The following SDK1 variants were observed in gnomAD, a reference collection of about 807,000 sequenced individuals.
SDK1 encodes the protein sidekick cell adhesion molecule 1.
A neutral mutation model predicts 245.5 loss-of-function variants in SDK1; 157 were observed. That is an observed-to-expected ratio of 0.64 (90% confidence interval 0.56 to 0.73). The LOEUF (loss-of-function observed/expected upper bound fraction) is 0.73. Ranked by LOEUF, SDK1 falls within the 30% of genes least tolerant of loss-of-function variation. SDK1 has a pLI of 0.00. For synonymous variants in SDK1, 1,647 were observed against 1,278.5 expected, an observed-to-expected ratio of 1.29 and a Z score of -6.15; for missense variants, 3,583 against 3,002.3, an observed-to-expected ratio of 1.19 and a Z score of -4.52.
chr7:3,775,573 T>C (rs1250735286), intron 4 of SDK1, among the ~76,000 whole-genome samples: 2 of 150,442 alleles, frequency 1.3e-5, no homozygotes, highest in African/African-American at 2.5e-5. Context: ...CTCTTTTTTT[T>C]TCTTTTTTTT....
At chr7:4,200,355 G>C (rs552913710) in intron 35 of SDK1, among the ~76,000 whole-genome samples, 5 of 152,250 alleles carry the variant, frequency 3.3e-5, no homozygotes, top group Admixed American at 1.3e-4. Context: ...CAGCTGGGAT[G>C]TATCAGTCAG....
chr7:3,773,574 A>G (rs1780463530), intron 4 of SDK1, among the ~76,000 whole-genome samples: 1 of 152,054 alleles, frequency 6.6e-6, no homozygotes, highest in African/African-American at 2.4e-5. Flanking sequence ...TTTTCTTTAA[A>G]TGAGTGATAC....
chr7:3,757,091 G>A (rs1375948006), intron 4 of SDK1, among the ~76,000 whole-genome samples: 2 of 151,944 alleles, frequency 1.3e-5, no homozygotes, highest in East Asian at 3.9e-4. Context: ...CAATTCAACT[G>A]AATTACAAAA....
At chr7:4,192,114 G>A (rs1209632427) in intron 35 of SDK1, among the ~76,000 whole-genome samples, 3 of 152,188 alleles carry the variant, frequency 2.0e-5, no homozygotes, top group Admixed American at 1.3e-4. Flanking sequence ...GACAAGTGCA[G>A]GCGCATCACA....
intron 1 of SDK1, among the ~76,000 whole-genome samples, chr7:3,374,680 T>A (rs1021203269): frequency 3.3e-5 from 5 of 152,052 alleles, no homozygotes; most frequent in African/African-American, 4.8e-5. Context: ...GACCAATTTC[T>A]AACCATGCTC....
intron 5 of SDK1, among the ~76,000 whole-genome samples, chr7:3,837,234 A>G (rs917198): frequency 6.6e-6 from 1 of 151,960 alleles, no homozygotes; most frequent in South Asian, 2.1e-4. Flanking sequence ...AGATCAGAAG[A>G]CCCGACTAGA....
intron 4 of SDK1, among the ~76,000 whole-genome samples, chr7:3,813,297 T>G (rs1207848861): frequency 4.4e-5 from 6 of 136,388 alleles, no homozygotes; most frequent in Non-Finnish European, 6.2e-5. Context: ...GAGTGTGATA[T>G]TCCCCTTCCT....
chr7:3,953,013 G>T (rs546867544), intron 7 of SDK1, among the ~76,000 whole-genome samples: 1 of 152,220 alleles, frequency 6.6e-6, no homozygotes, highest in East Asian at 1.9e-4. Context: ...CTGTTGATAA[G>T]AGGTAGCCTT....
At chr7:4,209,270 G>A (rs1288209668) in intron 37 of SDK1, among the ~76,000 whole-genome samples, 2 of 152,334 alleles carry the variant, frequency 1.3e-5, no homozygotes, top group East Asian at 1.9e-4. Flanking sequence ...CCCAGAGACT[G>A]GAGGGAGGGC....
chr7:4,068,132 G>A (rs1032921490), intron 20 of SDK1, among the ~76,000 whole-genome samples, 196 bp downstream of exon 20: 1 of 152,064 alleles, frequency 6.6e-6, no homozygotes, highest in African/African-American at 2.4e-5. Flanking sequence ...CCTGGTCTGG[G>A]GCCCTTTACT....
At chr7:3,928,196 A>G (rs1779845628) in intron 5 of SDK1, among the ~76,000 whole-genome samples, 1 of 152,228 alleles carries the variant, frequency 6.6e-6, no homozygotes, top group South Asian at 2.1e-4. Context: ...CTCATTATCT[A>G]CTGTATCCAG....
chr7:3,654,334 C>T (rs34784806), intron 4 of SDK1, among the ~76,000 whole-genome samples: 34,973 of 152,162 alleles, frequency 0.23, 4,716 homozygotes, highest in Non-Finnish European at 0.3. Flanking sequence ...AGATGGAAAG[C>T]GCCACATTGC....
In SDK1 at chr7:3,625,913, A is replaced by G. The variant is rs147397699; in HGVS notation, c.458+6674A>G. ...AGCAGCTCAAGTAAAAGGTAGAGCC[A>G]GAAGGATTTTTCTTTCTTTCTTTTC... is the stretch of plus-strand genomic sequence containing the variant. On this transcript the variant is annotated intron_variant, in intron 2 of 44. Coordinates refer to ENST00000404826, the MANE Select transcript of SDK1 (RefSeq NM_152744.4). Among the ~76,000 whole-genome samples the G allele has an allele frequency of 5.5e-3, 829 of 151,190 alleles. 12 individuals are homozygous for G. Among genetic ancestry groups the G allele is most frequent in the African/African-American group, 0.019 (766 of 41,114 alleles).
intron 1 of SDK1, among the ~76,000 whole-genome samples, chr7:3,549,247 T>C (rs1052425966): frequency 2.0e-5 from 3 of 152,244 alleles, no homozygotes; most frequent in East Asian, 1.9e-4. Flanking sequence ...CTATGAGTTA[T>C]AGTCTTCCTG....
At chr7:3,870,269 A>G (rs2115132454) in intron 5 of SDK1, among the ~76,000 whole-genome samples, 1 of 152,326 alleles carries the variant, frequency 6.6e-6, no homozygotes, top group South Asian at 2.1e-4. Flanking sequence ...ATTCTAATAT[A>G]TAAAGTGATT....
chr7:3,559,263 G>A (rs956092846), intron 1 of SDK1, among the ~76,000 whole-genome samples: 1 of 152,134 alleles, frequency 6.6e-6, no homozygotes, highest in African/African-American at 2.4e-5. Context: ...AGTCTGACTT[G>A]ATAGCACATC....
chr7:4,010,086 C>T (rs936404264), intron 14 of SDK1, among the ~76,000 whole-genome samples: 4 of 152,178 alleles, frequency 2.6e-5, no homozygotes, highest in South Asian at 2.1e-4. Flanking sequence ...TTCAGGTCAG[C>T]GAGACAGCTC....
intron 5 of SDK1, among the ~76,000 whole-genome samples, chr7:3,933,281 A>T (rs542100885): frequency 1.0e-4 from 15 of 150,572 alleles, no homozygotes; most frequent in East Asian, 3.9e-4. Flanking sequence ...CAGCTAATTT[A>T]AAAAAAATGT....
chr7:3,432,281 A>G (rs1208070648), intron 1 of SDK1, among the ~76,000 whole-genome samples: 2 of 151,714 alleles, frequency 1.3e-5, no homozygotes, highest in African/African-American at 4.8e-5. Context: ...AGTATCATCA[A>G]ATTGGTCGTG....
Sources: allele counts gnomAD v4.1 joint callset (sites outside exome capture counted in the v4.1 genomes callset), GRCh38; gene constraint gnomAD v4.1.1; transcripts MANE v1.5; gene names NCBI Gene and HGNC (gene_info 2026-07-23, HGNC 2026-07-21).